Variants in VILL observed in about 807,000 individuals in gnomAD.
The protein encoded by VILL is villin like, also known as villin-like protein.
In VILL, 102 loss-of-function variants were observed where a neutral mutation model predicts 106.3. The ratio of observed to expected loss-of-function variants is 0.96; its 90% confidence interval spans 0.82 to 1.13. The LOEUF is 1.13. Among genes scored for constraint, VILL ranks in the 50% most tolerant of loss-of-function variants. VILL has a pLI of 0.00. For synonymous variants in VILL, 431 were observed against 440.3 expected, an observed-to-expected ratio of 0.98 and a Z score of 0.27; for missense variants, 1,076 against 1,116.6, an observed-to-expected ratio of 0.96 and a Z score of 0.52.
chr3:37,997,816 G>A lies in VILL; in HGVS notation c.764+131G>A, dbSNP rs1457795530. The A allele has an allele frequency of 1.9e-6, 2 of 1,062,436 alleles. No individual in the cohort carries two copies. The highest frequency in any genetic ancestry group is 5.2e-5 in the East Asian group (2 of 38,602). The allele number at this position is 1,062,436 out of a possible 1,614,324, so 65.8% of individuals were successfully genotyped here. Reference sequence around the variant, plus strand: ...GCTGGGTTTCTGGGACAGGTCATGTGGACCGTGGGTCCAGCCTGTACTCTT... The same window carrying A: ...GCTGGGTTTCTGGGACAGGTCATGTAGACCGTGGGTCCAGCCTGTACTCTT... On this transcript the variant is annotated intron_variant, in intron 7 of 19. Coordinates refer to ENST00000383759, the MANE Select transcript of VILL (RefSeq NM_015873.4). This position sits in a 1 kb window ranked among gnomAD's most constrained non-coding sequence, Gnocchi z 4.7.
chr3:38,001,675 G>A, intron 12 of VILL, 27 bp from the exon 13 acceptor site: 1 of 1,613,866 alleles, frequency 6.2e-7, no homozygotes, highest in East Asian at 2.2e-5. Context: ...GCTGGGCCAG[G>A]CCCTCACTCA....
rs140345498 is a variant in VILL at position 38,001,383 on chromosome 3, C to T, written c.1183-73C>T. On this transcript the variant is annotated intron_variant, in intron 11 of 19. Transcript: ENST00000383759. ...GCCTCAGAGGCTGGGGAGAGCTTTC[C>T]GGTTGGGTACAGGATGGGTGGGCTG... The T allele has an allele frequency of 5.6e-4, 879 of 1,582,372 alleles. 7 individuals are homozygous for T. In the East Asian group the frequency reaches 0.018, roughly 32 times the overall value.
Position 37,994,429 on chromosome 3 carries a change from T to C in VILL, c.304T>C (p.Ser102Pro), listed in dbSNP as rs1699665411. The stretch of plus-strand genomic sequence containing the variant: ...GCACCGCGAGGCGCAGGGCCACGAG[T>C]CCGACTGCTTCTGCAGCTACTTCCG... ...VLHREAQGHESDCFCSYFRPG... is the reference protein window; with the variant it reads ...VLHREAQGHEPDCFCSYFRPG... The change falls in exon 4 of 20, where the codon TCC (serine) becomes CCC (proline). Residue 102 changes from serine (S) to proline (P), a missense_variant. By Grantham distance (74) the Ser-to-Pro change is moderately conservative. Transcript: ENST00000383759. 4 of 1,612,530 alleles carry C rather than the reference T, an allele frequency of 2.5e-6. No individual in the cohort carries two copies. The highest frequency in any genetic ancestry group is 2.5e-6 in the Non-Finnish European group (3 of 1,179,872).
intron 1 of VILL, among the ~76,000 whole-genome samples, chr3:37,992,145 C>A (rs1000487286): frequency 4.6e-5 from 7 of 152,152 alleles, no homozygotes; most frequent in Non-Finnish European, 8.8e-5. Flanking sequence ...GTCTTTCTGG[C>A]ACTCTGTCAC....
rs1416339806 is a variant in VILL at position 38,006,613 on chromosome 3, CACGATCA to C, written c.2374_2380del (p.Ile792GlyfsTer8). On this transcript the variant is annotated frameshift_variant, in exon 19 of 20. Coordinates refer to ENST00000383759, the MANE Select transcript of VILL (RefSeq NM_015873.4). LOFTEE classifies it high-confidence loss of function. ...GCAGCTCCGTCAGCAGCACCAGCGCCACGATCAACGGGGGCCTGCGCCGGGAACAACT... is the reference window on the plus strand; with the variant it reads ...GCAGCTCCGTCAGCAGCACCAGCGCCACGGGGGCCTGCGCCGGGAACAACT... The C allele has an allele frequency of 3.7e-6, 6 of 1,613,996 alleles. No individual in the cohort carries two copies. Among genetic ancestry groups the C allele is most frequent in the Non-Finnish European group, 5.1e-6 (6 of 1,180,050 alleles).
rs1190991747 is a variant in VILL at position 37,994,334 on chromosome 3, C to A, written c.209C>A (p.Ala70Glu). The change falls in exon 4 of 20, where the codon GCG becomes GAG. Residue 70 changes from alanine (A) to glutamate (E), a missense_variant. Coordinates refer to ENST00000383759, the MANE Select transcript of VILL (RefSeq NM_015873.4). ...TACTGGGTCGGGAAGCAGGCGGGTG[C>A]GGAAGCGCAGGGCGCTGCGGAGGCC... ...LHYWVGKQAG[A>E]EAQGAAEAFQ... 6.2e-7 allele frequency: 1 copy of A among 1,611,318 alleles called. No individual in the cohort carries two copies. The highest frequency in any genetic ancestry group is 1.3e-5 in the African/African-American group (1 of 75,068).
chr3:38,007,017 A>G lies in VILL; in HGVS notation c.2533A>G (p.Arg845Gly). The G allele has an allele frequency of 6.2e-7, 1 of 1,614,090 alleles. No homozygotes were observed. Among genetic ancestry groups the G allele is most frequent in the South Asian group, 1.1e-5 (1 of 91,080 alleles). The change falls in exon 20 of 20, where the codon AGG (arginine) becomes GGG (glycine). Residue 845 changes from arginine (R) to glycine (G), a missense_variant. Physicochemically the swap from Arg to Gly is moderately radical, Grantham distance 125. Coordinates refer to ENST00000383759, the MANE Select transcript of VILL (RefSeq NM_015873.4). ...GGAATTCTACAGCATGGCCACGTGG[A>G]GGCAGCGGCAGGAGAAAAAGCAGCT... The part of the protein sequence containing the change: ...KEEFYSMATW[R>G]QRQEKKQLGF...
rs144844645 is a variant in VILL, at chr3:38,006,570, C to A, written c.2327C>A (p.Ser776Ter). Residue 776 changes from serine (S) to a stop codon, truncating the protein, a stop_gained, in exon 19 of 20, where the codon TCG becomes TAG. Coordinates refer to ENST00000383759, the MANE Select transcript of VILL (RefSeq NM_015873.4). LOFTEE classifies it high-confidence loss of function. The part of the protein sequence containing the change: ...SENDLVRSPK[S>*]AGSRTSSSVS... ...AATGATCTGGTGCGAAGCCCCAAGT[C>A]GGCTGGCAGCAGAACCAGCAGCTCC... 365 of 1,614,042 alleles carry A rather than the reference C, an allele frequency of 2.3e-4. No individual in the cohort carries two copies. The highest frequency in any genetic ancestry group is 2.9e-4 in the Non-Finnish European group (348 of 1,180,042).
chr3:37,998,083 C>T lies in VILL; in HGVS notation c.765-7C>T. The T allele has an allele frequency of 6.2e-7, 1 of 1,603,634 alleles. No individual in the cohort carries two copies. Among genetic ancestry groups the T allele is most frequent in the Non-Finnish European group, 8.5e-7 (1 of 1,174,900 alleles). On this transcript the variant is annotated splice_region_variant and splice_polypyrimidine_tract_variant and intron_variant, in intron 7 of 19. Transcript: ENST00000383759. This position sits in a 1 kb window ranked among gnomAD's most constrained non-coding sequence, Gnocchi z 4.1. ...GGCTGGCCACTCCTGGGTTCCTGTCCCCCCAGTGTCTATGAGAAGGGCAAA... is the reference window on the plus strand; with the variant it reads ...GGCTGGCCACTCCTGGGTTCCTGTCTCCCCAGTGTCTATGAGAAGGGCAAA...
Position 37,998,496 on chromosome 3 carries a change from G to T in VILL, c.942+132G>T. On this transcript the variant is annotated intron_variant, in intron 9 of 19. Coordinates refer to ENST00000383759, the MANE Select transcript of VILL (RefSeq NM_015873.4). This position sits in a 1 kb window ranked among gnomAD's most constrained non-coding sequence, Gnocchi z 4.1. Reference sequence around the variant, plus strand: ...GTTTGAGTTGGGAAATCCTATGCTGGAGTCTTAAAGGGGAGGTAGCCCTGC... The same window carrying T: ...GTTTGAGTTGGGAAATCCTATGCTGTAGTCTTAAAGGGGAGGTAGCCCTGC... The T allele has an allele frequency of 1.2e-6, 1 of 818,090 alleles. No individual in the cohort carries two copies. Among genetic ancestry groups the T allele is most frequent in the Non-Finnish European group, 1.9e-6 (1 of 521,732 alleles). The allele number at this position is 818,090 out of a possible 1,614,324, so 50.7% of individuals were successfully genotyped here.
rs1699749119 is a variant in VILL, at chr3:37,998,487, C to T, written c.942+123C>T. On this transcript the variant is annotated intron_variant, in intron 9 of 19. Coordinates refer to ENST00000383759, the MANE Select transcript of VILL (RefSeq NM_015873.4). This position sits in a 1 kb window ranked among gnomAD's most constrained non-coding sequence, Gnocchi z 4.1. ...TCCCCTAGAGTTTGAGTTGGGAAAT[C>T]CTATGCTGGAGTCTTAAAGGGGAGG... is the stretch of plus-strand genomic sequence containing the variant. 3.4e-6 allele frequency: 3 copies of T among 890,040 alleles called. No homozygotes were observed. In the East Asian group the frequency reaches 7.9e-5, roughly 24 times the overall value. 55.1% of individuals were successfully genotyped at this position (890,040 alleles called of 1,614,324 possible). A position where few individuals can be genotyped will look rare whatever the true frequency, so the allele number is the denominator to read the frequency against.
chr3:37,992,147 C>T (rs1441110872), intron 1 of VILL, among the ~76,000 whole-genome samples: 1 of 152,150 alleles, frequency 6.6e-6, no homozygotes, highest in Non-Finnish European at 1.5e-5. Context: ...CTTTCTGGCA[C>T]TCTGTCACCA....
rs1303588227 is a variant in VILL at position 37,995,650 on chromosome 3, G to A, written c.342-89G>A. Reference sequence around the variant, plus strand: ...GTATGAAGCAGGCACATACGTGCACGTGCTCACATCTGCAGTCATTCATGC... The same window carrying A: ...GTATGAAGCAGGCACATACGTGCACATGCTCACATCTGCAGTCATTCATGC... On this transcript the variant is annotated intron_variant, in intron 4 of 19. Transcript: ENST00000383759. 2.4e-5 allele frequency: 26 copies of A among 1,066,660 alleles called. No individual in the cohort carries two copies. The South Asian group carries it at 2.8e-4, about 12-fold the overall frequency. 66.1% of individuals were successfully genotyped at this position (1,066,660 alleles called of 1,614,324 possible).
intron 15 of VILL, 70 bp from the exon 16 acceptor site, chr3:38,004,185 T>G (rs996371319): frequency 9.7e-6 from 15 of 1,541,028 alleles, no homozygotes; most frequent in African/African-American, 1.4e-5. Context: ...GGCCCTGGGG[T>G]GGGGCACTTG....
At chr3:38,005,391 A>G (rs1468594032) in intron 16 of VILL, among the ~76,000 whole-genome samples, 4 of 152,042 alleles carry the variant, frequency 2.6e-5, no homozygotes, top group African/African-American at 9.7e-5. Context: ...TGGTTAGGAC[A>G]CTTTTCCTCC....
chr3:38,003,289 G>A lies in VILL; in HGVS notation c.1781G>A (p.Arg594Gln), dbSNP rs373953862. 1.6e-5 allele frequency: 25 copies of A among 1,611,784 alleles called. No individual in the cohort carries two copies. Among genetic ancestry groups the A allele is most frequent in the East Asian group, 2.2e-5 (1 of 44,850 alleles). ...CACTTCTGGGAGGCCCTGGGAGGCCGGGCCCCCTACCCCAGCAACAAGAGG... is the reference window on the plus strand; with the variant it reads ...CACTTCTGGGAGGCCCTGGGAGGCCAGGCCCCCTACCCCAGCAACAAGAGG... ...PPHFWEALGG[R>Q]APYPSNKRLP... The change falls in exon 15 of 20, where the codon CGG becomes CAG. Residue 594 changes from arginine (R) to glutamine (Q), a missense_variant. Transcript: ENST00000383759.
In VILL at chr3:38,002,529, T is replaced by A; in HGVS notation, c.1613T>A (p.Ile538Asn). 1 of 1,614,178 alleles carries A rather than the reference T, an allele frequency of 6.2e-7. No homozygotes were observed. The highest frequency in any genetic ancestry group is 8.5e-7 in the Non-Finnish European group (1 of 1,180,006). Residue 538 changes from isoleucine (I) to asparagine (N), a missense_variant, in exon 14 of 20, where the codon ATC becomes AAC. Ile to Asn is a moderately radical substitution (Grantham distance 149, BLOSUM62 -3). Transcript: ENST00000383759. ...ARASSLNSSD[I>N]FLLVTASVCY... ...GCCTCATCCCTCAACTCCAGTGACA[T>A]CTTCTTGCTGGTCACAGCCAGCGTC...
At position 37,998,906 on chromosome 3, in the gene VILL, C is replaced by T; in HGVS notation, c.943-6C>T. 1 of 1,593,432 alleles carries T rather than the reference C, an allele frequency of 6.3e-7. No individual in the cohort carries two copies. Among genetic ancestry groups the T allele is most frequent in the Non-Finnish European group, 8.6e-7 (1 of 1,165,104 alleles). ...GTCGCAGGACTGACGATGCCTTCCG[C>T]CCCAGGGCTTCATCCAGGCCAAGGG... On this transcript the variant is annotated splice_polypyrimidine_tract_variant and splice_region_variant and intron_variant, in intron 9 of 19. Transcript: ENST00000383759. This position sits in a 1 kb window ranked among gnomAD's most constrained non-coding sequence, Gnocchi z 4.1.
Position 37,997,358 on chromosome 3 carries a change from T to G in VILL, c.562-125T>G. The G allele has an allele frequency of 8.4e-7, 1 of 1,195,944 alleles. No individual in the cohort carries two copies. Among genetic ancestry groups the G allele is most frequent in the Non-Finnish European group, 1.2e-6 (1 of 839,472 alleles). The allele number at this position is 1,195,944 out of a possible 1,614,324, so 74.1% of individuals were successfully genotyped here. ...CCTGCATTGTTGGTGTCCCCCTGGA[T>G]GCCAGGATGAGGGGACATCAGCCCT... is the stretch of plus-strand genomic sequence containing the variant. On this transcript the variant is annotated intron_variant, in intron 6 of 19. Transcript: ENST00000383759. The surrounding 1 kb of genome is among the most constrained non-coding windows in gnomAD (Gnocchi z 4.7).
Sources: gnomAD v4.1 joint callset for allele counts (sites outside exome capture counted in the v4.1 genomes callset) on GRCh38, gnomAD v4.1.1 for gene constraint, Gnocchi (gnomAD v3.1) non-coding constraint, MANE v1.5 for transcripts, NCBI Gene and HGNC (gene_info 2026-07-23, HGNC 2026-07-21) for gene names.